EPHA6: variants seen among roughly 807,000 people sequenced by gnomAD.
The protein encoded by EPHA6 is EPH receptor A6.
EPHA6 carries 50 observed loss-of-function variants against 112.0 expected under a neutral mutation model. The ratio of observed to expected loss-of-function variants is 0.45; its 90% CI spans 0.36 to 0.56. The LOEUF (loss-of-function observed/expected upper bound fraction) is 0.56, where lower values mean the gene tolerates loss of function less well. Ranked by LOEUF, EPHA6 falls within the 20% of genes least tolerant of loss-of-function variation. The probability of loss-of-function intolerance (pLI) is 0.00; values close to 1 mark genes in which losing one functional copy is unlikely to be tolerated. For synonymous variants in EPHA6, 529 were observed against 490.7 expected (o/e 1.08, Z -1.03); for missense variants, 1,280 against 1,417.4 (o/e 0.90, Z 1.56).
At chr3:96,962,384 G>A (rs901266868) in intron 2 of EPHA6, among the ~76,000 whole-genome samples, 4 of 151,338 alleles carry the variant, frequency 2.6e-5, no homozygotes, top group African/African-American at 9.7e-5. Flanking sequence ...CCAAAGTATT[G>A]TGTAGAATGG....
intron 13 of EPHA6, among the ~76,000 whole-genome samples, chr3:97,622,208 G>A (rs1401705156): frequency 6.6e-6 from 1 of 151,660 alleles, no homozygotes; most frequent in East Asian, 1.9e-4. Context: ...TACTCATTAG[G>A]TAATTAAACT....
At chr3:96,916,234 G>A (rs1196577065) in intron 2 of EPHA6, among the ~76,000 whole-genome samples, 1 of 152,062 alleles carries the variant, frequency 6.6e-6, no homozygotes, top group Non-Finnish European at 1.5e-5. Context: ...TTAGGATTTT[G>A]GGACAGAGCC....
At chr3:97,720,178 T>C in intron 14 of EPHA6, 83 bp from the exon 15 acceptor site, 1 of 1,243,982 alleles carries the variant, frequency 8.0e-7, no homozygotes, top group Non-Finnish European at 1.1e-6. Flanking sequence ...TAGATCTTTC[T>C]AATAAAAAAT....
intron 5 of EPHA6, among the ~76,000 whole-genome samples, chr3:97,272,932 G>T (rs184913227): frequency 0.013 from 1,932 of 152,144 alleles, 35 homozygotes; most frequent in African/African-American, 0.042. Flanking sequence ...CAAAAATTTT[G>T]GGGGGTGGTA....
intron 14 of EPHA6, among the ~76,000 whole-genome samples, chr3:97,710,204 G>T (rs570882964): frequency 4.6e-5 from 7 of 152,228 alleles, no homozygotes; most frequent in African/African-American, 1.7e-4. Flanking sequence ...TCTTTCAGAT[G>T]ACTGTGCCCT....
At chr3:97,024,854 A>G (rs1416409978) in intron 3 of EPHA6, among the ~76,000 whole-genome samples, 1 of 152,186 alleles carries the variant, frequency 6.6e-6, no homozygotes, top group Non-Finnish European at 1.5e-5. Flanking sequence ...CTTGAAAAAT[A>G]TGGAAAAACA....
At chr3:97,010,278 C>A in intron 3 of EPHA6, 1 of 362,748 alleles carries the variant, frequency 2.8e-6, no homozygotes. Flanking sequence ...AGACCATAGC[C>A]TGATTGCCAA....
intron 14 of EPHA6, among the ~76,000 whole-genome samples, chr3:97,655,189 T>G (rs1026303707): frequency 3.3e-5 from 5 of 150,798 alleles, no homozygotes; most frequent in Non-Finnish European, 7.4e-5. Context: ...TTTCTCTAGA[T>G]GAGGAAATTG....
intron 1 of EPHA6, among the ~76,000 whole-genome samples, chr3:96,851,703 A>C (rs1244638695): frequency 1.3e-5 from 2 of 152,172 alleles, no homozygotes; most frequent in African/African-American, 4.8e-5. Context: ...GCTGAGCCCA[A>C]GGGTGAGTAG....
Position 97,735,979 on chromosome 3 carries a change from G to A in EPHA6, c.2989G>A (p.Ala997Thr). Residue 997 changes from alanine to threonine, a missense_variant, in exon 16 of 18, where the codon GCA becomes ACA. Physicochemically the swap from Ala to Thr is moderately conservative, Grantham distance 58. Transcript: ENST00000389672. ...ACTTCCAGCTCCCATGGGCTGTCCA[G>A]CATCTCTACACCAGCTGATGCTCCA... is the stretch of plus-strand genomic sequence containing the variant. ...YRLPAPMGCP[A>T]SLHQLMLHCW... The A allele has an allele frequency of 6.2e-7, 1 of 1,612,512 alleles. No individual in the cohort carries two copies. The highest frequency in any genetic ancestry group is 8.5e-7 in the Non-Finnish European group (1 of 1,179,094).
intron 3 of EPHA6, among the ~76,000 whole-genome samples, chr3:96,994,730 T>G (rs202073672): frequency 0.18 from 14,780 of 81,936 alleles, 1,108 homozygotes; most frequent in Middle Eastern, 0.26. Flanking sequence ...TATATATATA[T>G]ATAGAGAGAG....
chr3:97,093,347 G>A (rs1576474302), intron 3 of EPHA6, among the ~76,000 whole-genome samples: 1 of 151,968 alleles, frequency 6.6e-6, no homozygotes, highest in African/African-American at 2.4e-5. Context: ...TCAGGAGTTC[G>A]AGACCAGCCT....
intron 11 of EPHA6, among the ~76,000 whole-genome samples, chr3:97,552,011 T>A (rs2093035424): frequency 6.6e-6 from 1 of 152,174 alleles, no homozygotes; most frequent in African/African-American, 2.4e-5. Flanking sequence ...ACTTCTTATA[T>A]GTCAGCTAAA....
intron 5 of EPHA6, among the ~76,000 whole-genome samples, chr3:97,275,870 C>A (rs1040987105): frequency 6.6e-6 from 1 of 151,660 alleles, no homozygotes; most frequent in South Asian, 2.1e-4. Context: ...AGGCTTTGAA[C>A]TGGGGGGAAA....
At chr3:97,355,637 C>A (rs1333643906) in intron 5 of EPHA6, among the ~76,000 whole-genome samples, 5 of 151,868 alleles carry the variant, frequency 3.3e-5, no homozygotes, top group Non-Finnish European at 1.5e-5. Flanking sequence ...CACGAAACAC[C>A]CAGAAAACAA....
intron 4 of EPHA6, among the ~76,000 whole-genome samples, chr3:97,233,929 A>C (rs1383624824): frequency 6.6e-6 from 1 of 152,184 alleles, no homozygotes; most frequent in Non-Finnish European, 1.5e-5. Context: ...AATCATATAA[A>C]TGATAAGATT....
intron 2 of EPHA6, among the ~76,000 whole-genome samples, chr3:96,968,016 A>G (rs550463923): frequency 6.6e-6 from 1 of 151,620 alleles, no homozygotes; most frequent in Admixed American, 6.6e-5. Flanking sequence ...CCTTTTATTT[A>G]TATGCTTACT....
At chr3:97,566,692 A>C (rs1364237874) in intron 11 of EPHA6, among the ~76,000 whole-genome samples, 1 of 152,208 alleles carries the variant, frequency 6.6e-6, no homozygotes, top group Non-Finnish European at 1.5e-5. Context: ...ATTTAGCTGC[A>C]GGTATGGCTG....
At chr3:97,164,611 A>G (rs1559767440) in intron 3 of EPHA6, among the ~76,000 whole-genome samples, 1 of 152,152 alleles carries the variant, frequency 6.6e-6, no homozygotes, top group East Asian at 1.9e-4. Context: ...ACTCAGATAT[A>G]ACTGAGTAAT....
Sources: gnomAD v4.1 joint callset for allele counts (sites outside exome capture counted in the v4.1 genomes callset) on GRCh38, gnomAD v4.1.1 for gene constraint, MANE v1.5 for transcripts, NCBI Gene and HGNC (gene_info 2026-07-23, HGNC 2026-07-21) for gene names.